The following DBI variants were observed in gnomAD, a reference collection of about 807,000 sequenced individuals.
DBI encodes the protein acyl-CoA-binding protein.
In DBI, 12 loss-of-function variants were observed where a neutral mutation model predicts 13.0. The observed-to-expected ratio is 0.92, with a 90% CI of 0.59 to 1.49. The LOEUF is 1.49. Among genes scored for constraint, DBI ranks in the 40% most tolerant of loss-of-function variants. DBI has a pLI of 0.00. For synonymous variants in DBI, 37 were observed against 37.4 expected, an observed-to-expected ratio of 0.99 and a Z score of 0.04; for missense variants, 95 against 104.8, an observed-to-expected ratio of 0.91 and a Z score of 0.41.
chr2:119,367,925 T>G, intron 1 of DBI: 1 of 1,614,204 alleles, frequency 6.2e-7, no homozygotes, highest in Non-Finnish European at 8.5e-7. Flanking sequence ...ACCTGATGCC[T>G]GCGTTTGTGA....
chr2:119,368,284 A>T lies in DBI; in HGVS notation c.106A>T (p.Thr36Ser). ...LFIYGHYKQA[T>S]VGDINTERPG... ...CATCTATGGCCACTACAAACAAGCA[A>T]CTGTGGGCGACATAAATACAGGTAT... Residue 36 changes from threonine to serine, a missense_variant, in exon 2 of 4, where the codon ACT (threonine) becomes TCT (serine). Coordinates refer to ENST00000355857, the MANE Select transcript of DBI (RefSeq NM_001079862.4). The T allele has an allele frequency of 6.2e-7, 1 of 1,613,868 alleles. No individual in the cohort carries two copies. Among genetic ancestry groups the T allele is most frequent in the South Asian group, 1.1e-5 (1 of 91,078 alleles).
At chr2:119,367,570 G>T in intron 1 of DBI, 1 of 1,614,158 alleles carries the variant, frequency 6.2e-7, no homozygotes, top group Non-Finnish European at 8.5e-7. Flanking sequence ...GTAGACCCTT[G>T]TCTGAGACCG....
At chr2:119,369,645 G>A (rs566053056) in intron 2 of DBI, among the ~76,000 whole-genome samples, 1 of 152,238 alleles carries the variant, frequency 6.6e-6, no homozygotes, top group East Asian at 1.9e-4. Context: ...AATTAGCTGG[G>A]CATGGTGGCA....
intron 2 of DBI, chr2:119,370,451 A>ATT: frequency 4.2e-6 from 1 of 237,586 alleles, no homozygotes; most frequent in Non-Finnish European, 8.0e-6. Flanking sequence ...TTTAATTGTA[A>ATT]TTAAAGTATA....
chr2:119,367,380 G>A (rs1428019005), intron 1 of DBI: 1 of 1,457,692 alleles, frequency 6.9e-7, no homozygotes, highest in East Asian at 2.5e-5. Flanking sequence ...GAGGAGCGAG[G>A]AGACTCAGTC....
intron 2 of DBI, 164 bp from the exon 3 acceptor site, chr2:119,370,576 T>C (rs1460075820): frequency 2.9e-5 from 14 of 484,012 alleles, no homozygotes; most frequent in Non-Finnish European, 5.1e-5. Flanking sequence ...TTGGCATACA[T>C]TGGTTTTCTT....
chr2:119,367,110 C>G (rs1034269379), intron 1 of DBI, 50 bp downstream of exon 1: 87 of 1,610,584 alleles, frequency 5.4e-5, no homozygotes, highest in Non-Finnish European at 6.8e-5. Flanking sequence ...GCGGGAGGCC[C>G]GTTGGGGGCT....
rs562373896 is a variant in DBI at position 119,370,087 on chromosome 2, G to A, written c.128-653G>A. 2.6e-5 allele frequency: 4 copies of A among 152,328 alleles called. No individual in the cohort carries two copies. The South Asian group carries it at 8.3e-4, about 32-fold the overall frequency. The allele number at this position is 152,328 out of a possible 1,614,324, so 9.4% of individuals were successfully genotyped here. A position where few individuals can be genotyped will look rare whatever the true frequency, so the allele number is the denominator to read the frequency against. ...CTCAGGCACAGTGCTCCAGGCTACG[G>A]ACTCTGATTGTTCCCTGTGGCTTTG... On this transcript the variant is annotated intron_variant, in intron 2 of 3. Transcript: ENST00000355857.
Position 119,372,276 on chromosome 2 carries a change from C to T in DBI, c.222C>T (p.Tyr74=). The change falls in exon 4 of 4, where the codon TAC becomes TAT. Residue 74 remains tyrosine, a synonymous_variant. Coordinates refer to ENST00000355857, the MANE Select transcript of DBI (RefSeq NM_001079862.4). ...CCAAGGAAGATGCCATGAAAGCTTA[C>T]ATCAACAAAGTAGAAGAGCTAAAGA... is the stretch of plus-strand genomic sequence containing the variant. The part of the protein sequence containing the change: ...GTSKEDAMKA[Y]INKVEELKKK... 1 of 1,613,674 alleles carries T rather than the reference C, an allele frequency of 6.2e-7. No individual in the cohort carries two copies. The highest frequency in any genetic ancestry group is 8.5e-7 in the Non-Finnish European group (1 of 1,179,634).
chr2:119,370,623 A>T, intron 2 of DBI, 117 bp from the exon 3 acceptor site: 1 of 923,642 alleles, frequency 1.1e-6, no homozygotes, highest in Non-Finnish European at 1.7e-6. Context: ...ATTTAACCCC[A>T]TGACAGAGCC....
chr2:119,368,548 T>C (rs879266981), intron 2 of DBI: 21 of 452,128 alleles, frequency 4.6e-5, no homozygotes, highest in Non-Finnish European at 7.7e-5. Context: ...TACTCTCTAC[T>C]AGGGAAGAAG....
intron 2 of DBI, among the ~76,000 whole-genome samples, chr2:119,369,772 C>G (rs1441221650): frequency 1.3e-5 from 2 of 151,782 alleles, no homozygotes; most frequent in East Asian, 1.9e-4. Context: ...GGCAACAGAA[C>G]GAGACTCTGT....
At chr2:119,369,406 C>T (rs960539817) in intron 2 of DBI, among the ~76,000 whole-genome samples, 5 of 152,192 alleles carry the variant, frequency 3.3e-5, no homozygotes, top group African/African-American at 1.2e-4. Flanking sequence ...TAGGGCTGTA[C>T]TATACAGCCC....
intron 3 of DBI, among the ~76,000 whole-genome samples, chr2:119,371,684 G>A (rs1271996194): frequency 6.6e-6 from 1 of 152,228 alleles, no homozygotes; most frequent in Non-Finnish European, 1.5e-5. Context: ...CCTTTCTACT[G>A]CAGCAAGAAG....
At chr2:119,368,564 G>C (rs774907598) in intron 2 of DBI, 36 of 407,902 alleles carry the variant, frequency 8.8e-5, no homozygotes, top group South Asian at 3.2e-4. Context: ...AGAAGCAAAG[G>C]CTGCAGCTTG....
chr2:119,367,365 G>A (rs574884810), intron 1 of DBI: 170 of 1,452,156 alleles, frequency 1.2e-4, no homozygotes, highest in Middle Eastern at 1.1e-3. Flanking sequence ...GGGTTGCACG[G>A]ATTGGAGGAG....
Position 119,368,172 on chromosome 2 carries a change from T to C in DBI, c.10-16T>C, listed in dbSNP as rs1210624025. The C allele has an allele frequency of 1.9e-6, 3 of 1,609,064 alleles. No individual in the cohort carries two copies. Among genetic ancestry groups the C allele is most frequent in the Non-Finnish European group, 2.6e-6 (3 of 1,176,310 alleles). On this transcript the variant is annotated splice_polypyrimidine_tract_variant and intron_variant, in intron 1 of 3. Transcript: ENST00000355857. ...CCAGAGGAGGCCCTCAATCCTCTCC[T>C]CTCCCTTCCATTTAGGCTGAGTTTG...
At chr2:119,368,909 T>C (rs572384254) in intron 2 of DBI, 1 of 154,582 alleles carries the variant, frequency 6.5e-6, no homozygotes, top group East Asian at 1.9e-4. Flanking sequence ...CATGGGTGGA[T>C]ACTGAGGCAA....
intron 3 of DBI, among the ~76,000 whole-genome samples, chr2:119,371,580 T>C (rs1244102369): frequency 6.6e-6 from 1 of 152,226 alleles, no homozygotes; most frequent in Non-Finnish European, 1.5e-5. Context: ...TCTCCAGTGC[T>C]TCAGAACAAG....
Sources: gnomAD v4.1 joint callset for allele counts (sites outside exome capture counted in the v4.1 genomes callset) on GRCh38, gnomAD v4.1.1 for gene constraint, MANE v1.5 for transcripts, NCBI Gene and HGNC (gene_info 2026-07-23, HGNC 2026-07-21) for gene names.